Variants in PCCA observed in about 807,000 individuals in gnomAD.
PCCA encodes propionyl-CoA carboxylase alpha chain, mitochondrial.
PCCA carries 74 observed loss-of-function variants against 101.3 expected under a neutral mutation model. The observed-to-expected ratio is 0.73, with a 90% CI of 0.61 to 0.89. The LOEUF is 0.89. Among genes scored for constraint, PCCA ranks in the 40% least tolerant of loss-of-function variants. The pLI is 0.00. For synonymous variants in PCCA, 294 were observed against 313.6 expected (o/e 0.94, Z 0.66); for missense variants, 891 against 907.0 (o/e 0.98, Z 0.23).
At chr13:100,211,485 C>T (rs1204676267) in intron 7 of PCCA, among the ~76,000 whole-genome samples, 1 of 152,166 alleles carries the variant, frequency 6.6e-6, no homozygotes. Flanking sequence ...ACATTTGAGT[C>T]TCTTGGTCAG....
intron 21 of PCCA, chr13:100,491,674 CTG>C (rs1370206875): frequency 3.1e-6 from 4 of 1,304,006 alleles, no homozygotes; most frequent in African/African-American, 1.5e-5. Flanking sequence ...TCTGGATTGA[CTG>C]TGAGAAGCTT....
intron 6 of PCCA, among the ~76,000 whole-genome samples, chr13:100,188,530 T>A (rs1343757558): frequency 6.6e-6 from 1 of 152,248 alleles, no homozygotes; most frequent in Non-Finnish European, 1.5e-5. Context: ...CATATGCAAG[T>A]ATCTTTTTTG....
intron 22 of PCCA, among the ~76,000 whole-genome samples, chr13:100,524,983 G>A (rs867039669): frequency 3.6e-5 from 5 of 137,174 alleles, no homozygotes; most frequent in African/African-American, 5.2e-5. Flanking sequence ...TCTCTAAGAT[G>A]GATAGATAGA....
chr13:100,100,495 T>G (rs1485782918), intron 1 of PCCA, among the ~76,000 whole-genome samples: 1 of 152,258 alleles, frequency 6.6e-6, no homozygotes, highest in Admixed American at 6.5e-5. Flanking sequence ...GTTTGTTACA[T>G]GCTTAACAAA....
At chr13:100,348,925 T>TTTTCTTTTCTTTTC (rs2072899574) in intron 18 of PCCA, among the ~76,000 whole-genome samples, 2 of 115,162 alleles carry the variant, frequency 1.7e-5, no homozygotes, top group South Asian at 3.0e-4. Context: ...TTTTCTTTTC[T>TTTTCTTTTCTTTTC]TTTCTTTTCT....
chr13:100,148,147 G>T (rs943230307), intron 4 of PCCA, among the ~76,000 whole-genome samples: 2 of 151,992 alleles, frequency 1.3e-5, no homozygotes, highest in Admixed American at 1.3e-4. Context: ...AGGATGGAGT[G>T]CAGTGGTGGA....
chr13:100,458,440 TACACACACACACACACACACACAC>T (rs777836240), intron 21 of PCCA, among the ~76,000 whole-genome samples: 66 of 118,836 alleles, frequency 5.6e-4, no homozygotes, highest in East Asian at 2.3e-3. Flanking sequence ...CACACACACA[TACACACACACACACACACACACAC>T]ACACACACAC....
Position 100,452,211 on chromosome 13 carries a change from C to G in PCCA, c.1899+2906C>G, listed in dbSNP as rs950509495. 4.7e-5 allele frequency among the ~76,000 whole-genome samples: 7 copies of G among 149,470 alleles called. No individual in the cohort carries two copies. In the South Asian group the frequency reaches 1.3e-3, roughly 28 times the overall value. On this transcript the variant is annotated intron_variant, in intron 21 of 23. Coordinates refer to ENST00000376285, the MANE Select transcript of PCCA (RefSeq NM_000282.4). The stretch of plus-strand genomic sequence containing the variant: ...TCTCGCTCCTCTTTTTCTTCTCTCT[C>G]TCTCCTTTTCTCTTTTCCCCATCTG...
intron 7 of PCCA, among the ~76,000 whole-genome samples, chr13:100,223,938 A>G (rs1173634711): frequency 6.6e-6 from 1 of 152,248 alleles, no homozygotes; most frequent in South Asian, 2.1e-4. Flanking sequence ...TGAGCTAGAC[A>G]TAAAGGTTCT....
chr13:100,272,433 A>G (rs1158151745), intron 11 of PCCA, among the ~76,000 whole-genome samples: 2 of 152,194 alleles, frequency 1.3e-5, no homozygotes, highest in African/African-American at 4.8e-5. Context: ...CAACAAGACT[A>G]TAACACGTGC....
At chr13:100,327,771 G>A (rs890878676) in intron 16 of PCCA, among the ~76,000 whole-genome samples, 1 of 152,028 alleles carries the variant, frequency 6.6e-6, no homozygotes, top group Non-Finnish European at 1.5e-5. Context: ...GTATATTGAC[G>A]GCATCTCATT....
At chr13:100,368,859 G>A (rs1021093795) in intron 19 of PCCA, among the ~76,000 whole-genome samples, 2 of 152,176 alleles carry the variant, frequency 1.3e-5, no homozygotes, top group African/African-American at 4.8e-5. Flanking sequence ...ACAGAGAAGA[G>A]CATTTTGAAT....
chr13:100,369,197 G>A (rs372355624), intron 19 of PCCA, among the ~76,000 whole-genome samples: 4 of 152,208 alleles, frequency 2.6e-5, no homozygotes, highest in African/African-American at 7.2e-5. Flanking sequence ...GTTTTAAGTC[G>A]TATGCCTTCG....
intron 22 of PCCA, among the ~76,000 whole-genome samples, chr13:100,523,602 C>T (rs147119789): frequency 6.6e-6 from 1 of 152,304 alleles, no homozygotes; most frequent in East Asian, 1.9e-4. Flanking sequence ...TCTCTCAAGC[C>T]TTGTTTGGGG....
chr13:100,301,706 C>G, intron 13 of PCCA, 103 bp downstream of exon 13: 1 of 1,278,266 alleles, frequency 7.8e-7, no homozygotes, highest in Non-Finnish European at 1.1e-6. Flanking sequence ...ATAATGTTGC[C>G]AACTATTGGA....
At chr13:100,518,006 G>A (rs894821820) in intron 22 of PCCA, among the ~76,000 whole-genome samples, 1 of 151,422 alleles carries the variant, frequency 6.6e-6, no homozygotes, top group Non-Finnish European at 1.5e-5. Flanking sequence ...TTAACACCGC[G>A]GGGCGTGTTG....
At chr13:100,336,828 C>A (rs543145106) in intron 17 of PCCA, among the ~76,000 whole-genome samples, 1 of 152,240 alleles carries the variant, frequency 6.6e-6, no homozygotes, top group East Asian at 1.9e-4. Context: ...GTGAACGTTC[C>A]AAGGCTGGGT....
rs745891545 is a variant in PCCA, at chr13:100,530,191, AC to A, written c.*28del. 13 of 1,580,532 alleles carry A rather than the reference AC, an allele frequency of 8.2e-6. No homozygotes were observed. The highest frequency in any genetic ancestry group is 1.1e-5 in the Non-Finnish European group (13 of 1,149,784). On this transcript the variant is annotated 3_prime_UTR_variant, in exon 24 of 24. Transcript: ENST00000376285. Reference sequence around the variant, plus strand: ...AAGGATTTATAACCTTTCAGTCATCACCCAATTTAATTAGCCATTTGCATGA... The same window carrying A: ...AAGGATTTATAACCTTTCAGTCATCACCAATTTAATTAGCCATTTGCATGA...
intron 7 of PCCA, among the ~76,000 whole-genome samples, chr13:100,210,803 C>G (rs2059165884): frequency 6.6e-6 from 1 of 152,196 alleles, no homozygotes; most frequent in African/African-American, 2.4e-5. Flanking sequence ...TGTGCAAGAT[C>G]ATTTCATGCA....
Sources: gnomAD v4.1 joint callset for allele counts (sites outside exome capture counted in the v4.1 genomes callset) on GRCh38, gnomAD v4.1.1 for gene constraint, MANE v1.5 for transcripts, NCBI Gene and HGNC (gene_info 2026-07-23, HGNC 2026-07-21) for gene names.